The following SUGP2 variants were observed in gnomAD, a reference collection of about 807,000 sequenced individuals.
SUGP2 encodes the protein SURP and G-patch domain containing 2.
A neutral mutation model predicts 90.5 loss-of-function variants in SUGP2; 24 were observed. The observed-to-expected ratio is 0.27, with a 90% confidence interval of 0.19 to 0.37. SUGP2 has a LOEUF of 0.37. Ranked by LOEUF, SUGP2 falls within the 10% of genes least tolerant of loss-of-function variation. SUGP2 has a pLI of 1.00. For synonymous variants in SUGP2, 473 were observed against 513.4 expected (o/e 0.92, Z 1.06); for missense variants, 1,233 against 1,363.3 (o/e 0.90, Z 1.51).
intron 2 of SUGP2, among the ~76,000 whole-genome samples, chr19:19,028,511 G>A (rs1328448943): frequency 1.3e-5 from 2 of 152,212 alleles, no homozygotes; most frequent in South Asian, 2.1e-4. Context: ...GAACATTAGT[G>A]ACAGAGAGTG....
intron 4 of SUGP2, among the ~76,000 whole-genome samples, chr19:19,015,879 A>T (rs917996665): frequency 6.6e-6 from 1 of 152,188 alleles, no homozygotes; most frequent in East Asian, 1.9e-4. Flanking sequence ...CTTCTTCAGG[A>T]TCTATTCTAT....
chr19:18,998,275 G>A (rs2057690490), intron 8 of SUGP2, among the ~76,000 whole-genome samples: 1 of 152,162 alleles, frequency 6.6e-6, no homozygotes. Flanking sequence ...GCTTATGCAC[G>A]TGAATAAATA....
At position 18,992,142 on chromosome 19, in the gene SUGP2, C is replaced by G. The variant is rs1336899944; in HGVS notation, c.*1599G>C. 1.3e-5 allele frequency: 2 copies of G among 152,204 alleles called. No individual in the cohort carries two copies. Among genetic ancestry groups the G allele is most frequent in the Non-Finnish European group, 2.9e-5 (2 of 68,134 alleles). The allele number at this position is 152,204 out of a possible 1,614,324, so 9.4% of individuals were successfully genotyped here. ...CTCGGCTCACTGCAACCTCCGCCTC[C>G]CGGGTTCAAGTGATTCTCCTGCCTC... On this transcript the variant is annotated 3_prime_UTR_variant, in exon 11 of 11. Coordinates refer to ENST00000452918, the MANE Select transcript of SUGP2 (RefSeq NM_001017392.5).
intron 8 of SUGP2, among the ~76,000 whole-genome samples, chr19:18,995,597 C>T (rs545126278): frequency 5.8e-4 from 89 of 152,244 alleles, no homozygotes; most frequent in Middle Eastern, 3.4e-3. Context: ...AGGCCCTCAG[C>T]GGAACCCTGG....
intron 4 of SUGP2, among the ~76,000 whole-genome samples, chr19:19,011,915 G>T (rs1184640214): frequency 1.3e-5 from 2 of 152,202 alleles, no homozygotes; most frequent in Admixed American, 6.5e-5. Context: ...TGTTAAAGAA[G>T]AATATTGCTT....
intron 3 of SUGP2, among the ~76,000 whole-genome samples, chr19:19,022,725 G>A (rs1022347996): frequency 6.6e-6 from 1 of 152,030 alleles, no homozygotes; most frequent in Non-Finnish European, 1.5e-5. Flanking sequence ...TGGGGAGTAG[G>A]GTCCCTTAAG....
chr19:18,996,621 C>T lies in SUGP2; in HGVS notation c.2992-1341G>A, dbSNP rs530364965. 1.8e-3 allele frequency among the ~76,000 whole-genome samples: 268 copies of T among 152,160 alleles called. 1 individual carries two copies. The highest frequency in any genetic ancestry group is 1.3e-3 in the Non-Finnish European group (89 of 67,996). ...AGGCTGGAGTGCAGTGATGCAATCT[C>T]AACTCATTGTAACCTCCGCCTCCTG... is the stretch of plus-strand genomic sequence containing the variant. On this transcript the variant is annotated intron_variant, in intron 8 of 10. Transcript: ENST00000452918.
intron 4 of SUGP2, 52 bp downstream of exon 4, chr19:19,019,057 T>C: frequency 6.3e-7 from 1 of 1,579,106 alleles, no homozygotes; most frequent in Non-Finnish European, 8.7e-7. Context: ...GACCCAAATT[T>C]TGCCATATAC....
At chr19:19,027,339 T>C (rs553266752) in intron 2 of SUGP2, among the ~76,000 whole-genome samples, 5 of 151,396 alleles carry the variant, frequency 3.3e-5, no homozygotes, top group African/African-American at 9.7e-5. Context: ...TGCCAGGAGG[T>C]AGCAATAGGT....
rs758576707 is a variant in SUGP2 at position 19,031,006 on chromosome 19, A to G, written c.66T>C (p.Tyr22=). 6 of 1,613,778 alleles carry G rather than the reference A, an allele frequency of 3.7e-6. 1 individual carries two copies. The highest frequency in any genetic ancestry group is 3.3e-5 in the South Asian group (3 of 91,032). The change falls in exon 2 of 11, where the codon TAT becomes TAC. Residue 22 remains tyrosine, a synonymous_variant. Transcript: ENST00000452918. ...CAGCCTCACCACTGGCATCCATGTG[A>G]TATCGTTTGGCTTTTTCTTGTAATA... The part of the protein sequence containing the change: ...DAVLQEKAKR[Y]HMDASGEAVS...
At position 19,025,780 on chromosome 19, in the gene SUGP2, C is replaced by T. The variant is rs2145704922; in HGVS notation, c.568G>A (p.Asp190Asn). Residue 190 changes from aspartate (D) to asparagine (N), a missense_variant, in exon 3 of 11, where the codon GAT becomes AAT. Around this residue, in one of 8 missense-constraint regions of SUGP2, gnomAD observed 418 missense variants for 399.9 expected, o/e 1.05. Transcript: ENST00000452918. ...EKECLEKESR[D>N]YDVDHPGEAD... ...TCCCCAGGATGGTCCACGTCATAAT[C>T]CCGACTCTCCTTCTCCAAACACTCT... is the stretch of plus-strand genomic sequence containing the variant. 1.2e-6 allele frequency: 2 copies of T among 1,613,982 alleles called. No homozygotes were observed. The highest frequency in any genetic ancestry group is 1.7e-6 in the Non-Finnish European group (2 of 1,180,006).
In SUGP2 at chr19:19,025,666, T is replaced by G. The variant is rs763475922; in HGVS notation, c.682A>C (p.Lys228Gln). Residue 228 changes from lysine to glutamine, a missense_variant, in exon 3 of 11, where the codon AAG becomes CAG. By Grantham distance (53) the Lys-to-Gln change is moderately conservative. Around this residue, in one of 8 missense-constraint regions of SUGP2, gnomAD observed 418 missense variants for 399.9 expected, o/e 1.05. Transcript: ENST00000452918. ...IVDQEGSLLG[K>Q]GETQGLLTAK... is the part of the protein sequence containing the mutation. ...GTGAGCAGGCCCTGAGTCTCCCCCT[T>G]TCCTAGGAGGGAACCTTCCTGGTCA... The G allele has an allele frequency of 1.9e-6, 3 of 1,614,002 alleles. No homozygotes were observed. Among genetic ancestry groups the G allele is most frequent in the Non-Finnish European group, 1.7e-6 (2 of 1,179,964 alleles).
At position 18,997,014 on chromosome 19, in the gene SUGP2, G is replaced by A. The variant is rs576270580; in HGVS notation, c.2992-1734C>T. On this transcript the variant is annotated intron_variant, in intron 8 of 10. Coordinates refer to ENST00000452918, the MANE Select transcript of SUGP2 (RefSeq NM_001017392.5). ...GGGAGTGGCTGGGAGAGGGTTAGATGACCCTGGGCATGGGAAGCAGGGTGA... is the reference window on the plus strand; with the variant it reads ...GGGAGTGGCTGGGAGAGGGTTAGATAACCCTGGGCATGGGAAGCAGGGTGA... Among the ~76,000 whole-genome samples the A allele has an allele frequency of 3.3e-5, 5 of 152,052 alleles. No individual in the cohort carries two copies. In the East Asian group the frequency reaches 9.7e-4, roughly 30 times the overall value.
chr19:19,033,596 G>T, upstream of SUGP2: 1 of 1,186,032 alleles, frequency 8.4e-7, no homozygotes, highest in Non-Finnish European at 1.0e-6. Context: ...CGCAGGCGCG[G>T]GCCGCCGCGG....
intron 6 of SUGP2, 115 bp from the exon 7 acceptor site, chr19:19,004,761 A>T: frequency 1.2e-6 from 1 of 826,428 alleles, no homozygotes; most frequent in Non-Finnish European, 1.9e-6. Flanking sequence ...GGAAAGAATA[A>T]CCTGACCAGT....
chr19:19,018,916 G>T (rs1237232932), intron 4 of SUGP2, among the ~76,000 whole-genome samples, 193 bp downstream of exon 4: 2 of 152,138 alleles, frequency 1.3e-5, no homozygotes, highest in Non-Finnish European at 2.9e-5. Context: ...CACCCAGCTG[G>T]CCTACCACTG....
Position 19,001,709 on chromosome 19 carries a change from A to G in SUGP2, c.2930-35T>C, listed in dbSNP as rs1379951677. 14 of 1,606,438 alleles carry G rather than the reference A, an allele frequency of 8.7e-6. No homozygotes were observed. The Admixed American group carries it at 2.0e-4, about 23-fold the overall frequency. On this transcript the variant is annotated intron_variant, in intron 7 of 10. Transcript: ENST00000452918. ...AAAAGAAAGAGACACATACACATAC[A>G]TGTGCTTTTCCTAAATTACTTAGAG... is the stretch of plus-strand genomic sequence containing the variant.
intron 8 of SUGP2, among the ~76,000 whole-genome samples, chr19:18,997,800 A>AAAAGAAAGAAAG (rs1555725589): frequency 2.4e-4 from 36 of 147,826 alleles, no homozygotes; most frequent in African/African-American, 8.3e-4. Flanking sequence ...AAAAAAAAAA[A>AAAAGAAAGAAAG]AAAGAAAGAA....
chr19:19,030,965 T>A lies in SUGP2; in HGVS notation c.107A>T (p.Gln36Leu), dbSNP rs541734593. ...ASGEAVSETLQFKAQDLLRAV... is the reference protein window; with the variant it reads ...ASGEAVSETLLFKAQDLLRAV... ...CTTTATTTTACCTTGAGCTTTAAAC[T>A]GAAGAGTTTCGCTTACAGCCTCACC... The change falls in exon 2 of 11, where the codon CAG (glutamine) becomes CTG (leucine). Residue 36 changes from glutamine (Q) to leucine (L), a missense_variant. By Grantham distance (113) the Gln-to-Leu change is moderately radical. Coordinates refer to ENST00000452918, the MANE Select transcript of SUGP2 (RefSeq NM_001017392.5). The A allele has an allele frequency of 5.0e-5, 80 of 1,611,884 alleles. No homozygotes were observed. Among genetic ancestry groups the A allele is most frequent in the Admixed American group, 3.4e-4 (20 of 59,106 alleles).
Sources: allele counts gnomAD v4.1 joint callset (sites outside exome capture counted in the v4.1 genomes callset), GRCh38; gene constraint gnomAD v4.1.1; regional missense constraint gnomAD v4.1.1; transcripts MANE v1.5; gene names NCBI Gene and HGNC (gene_info 2026-07-23, HGNC 2026-07-21).